DYM: variants seen among roughly 807,000 people sequenced by gnomAD.
The protein encoded by DYM is dymeclin.
A neutral mutation model predicts 93.1 loss-of-function variants in DYM; 78 were observed. The observed-to-expected ratio is 0.84, with a 90% CI of 0.70 to 1.01. The LOEUF (loss-of-function observed/expected upper bound fraction) is 1.01, where lower values mean the gene tolerates loss of function less well. Among genes scored for constraint, DYM ranks in the 50% least tolerant of loss-of-function variants. DYM has a pLI of 0.00. For missense variants in DYM, 789 were observed against 845.0 expected (o/e 0.93, Z 0.82); for synonymous variants, 321 against 319.7 (o/e 1.00, Z -0.04).
intron 8 of DYM, among the ~76,000 whole-genome samples, chr18:49,306,924 A>G (rs995981966): frequency 2.6e-5 from 4 of 152,208 alleles, no homozygotes; most frequent in Non-Finnish European, 5.9e-5. Context: ...GAGACTGAGG[A>G]CACAAACTGG....
intron 10 of DYM, among the ~76,000 whole-genome samples, chr18:49,280,568 G>A (rs77716736): frequency 0.012 from 1,774 of 152,246 alleles, 31 homozygotes; most frequent in African/African-American, 0.04. Context: ...CCTGGGCAAC[G>A]TGTGGCTGTT....
At chr18:49,271,474 A>T (rs145857421) in intron 11 of DYM, among the ~76,000 whole-genome samples, 1 of 152,166 alleles carries the variant, frequency 6.6e-6, no homozygotes, top group Non-Finnish European at 1.5e-5. Context: ...TCTTAGGGCG[A>T]TAATAGTTAA....
At chr18:49,330,240 C>T (rs2063213277) in intron 8 of DYM, among the ~76,000 whole-genome samples, 1 of 152,042 alleles carries the variant, frequency 6.6e-6, no homozygotes, top group Non-Finnish European at 1.5e-5. Flanking sequence ...ATATAGCACA[C>T]TAAAAACCAT....
At chr18:49,432,578 ATAGC>A (rs2080436745) in intron 1 of DYM, among the ~76,000 whole-genome samples, 1 of 149,746 alleles carries the variant, frequency 6.7e-6, no homozygotes, top group South Asian at 2.1e-4. Flanking sequence ...GGATTTATTC[ATAGC>A]TAGTACCAGC....
chr18:49,156,376 A>C (rs2086433657), intron 15 of DYM, among the ~76,000 whole-genome samples: 1 of 151,972 alleles, frequency 6.6e-6, no homozygotes, highest in Non-Finnish European at 1.5e-5. Flanking sequence ...CAGCCAGCAA[A>C]TGATGAGAAA....
At chr18:49,179,660 T>C (rs766125733) in intron 14 of DYM, among the ~76,000 whole-genome samples, 1 of 152,150 alleles carries the variant, frequency 6.6e-6, no homozygotes, top group Non-Finnish European at 1.5e-5. Flanking sequence ...GAGAAATCAT[T>C]GTCAACATAA....
At chr18:49,305,407 C>A (rs1007346018) in intron 8 of DYM, among the ~76,000 whole-genome samples, 2 of 152,164 alleles carry the variant, frequency 1.3e-5, no homozygotes, top group Non-Finnish European at 2.9e-5. Flanking sequence ...CCTGGGGAAA[C>A]CTATTGTTCT....
intron 14 of DYM, among the ~76,000 whole-genome samples, chr18:49,177,212 G>A (rs145603607): frequency 9.2e-4 from 140 of 152,262 alleles, no homozygotes; most frequent in African/African-American, 3.2e-3. Flanking sequence ...GGATGGCAGG[G>A]TAGAAGTTAT....
At chr18:49,147,466 A>C (rs201249538) in intron 15 of DYM, among the ~76,000 whole-genome samples, 102,879 of 151,918 alleles carry the variant, frequency 0.68, 38,208 homozygotes, top group Non-Finnish European at 0.83. Context: ...GGGCTAATAT[A>C]CAGAATCTAC....
intron 9 of DYM, among the ~76,000 whole-genome samples, chr18:49,285,896 T>G (rs1262692184): frequency 6.6e-6 from 1 of 152,198 alleles, no homozygotes; most frequent in Non-Finnish European, 1.5e-5. Flanking sequence ...AAGTAAAGAT[T>G]TACTGGAGCA....
chr18:49,343,718 C>G (rs1223510529), intron 6 of DYM, among the ~76,000 whole-genome samples: 1 of 152,024 alleles, frequency 6.6e-6, no homozygotes, highest in South Asian at 2.1e-4. Flanking sequence ...TTACCAAAAC[C>G]AAGAAAAATA....
intron 8 of DYM, among the ~76,000 whole-genome samples, chr18:49,330,818 G>A (rs940214567): frequency 6.6e-6 from 1 of 152,182 alleles, no homozygotes; most frequent in African/African-American, 2.4e-5. Context: ...ATCTATGCAG[G>A]TGTGGCACTC....
chr18:49,425,252 C>T (rs1406968017), intron 2 of DYM, among the ~76,000 whole-genome samples: 16 of 152,214 alleles, frequency 1.1e-4, no homozygotes, highest in African/African-American at 3.9e-4. Flanking sequence ...CATCTGCAAC[C>T]ATCTGATCTT....
intron 6 of DYM, among the ~76,000 whole-genome samples, chr18:49,354,582 A>G (rs1467362351): frequency 6.6e-6 from 1 of 152,108 alleles, no homozygotes; most frequent in Non-Finnish European, 1.5e-5. Context: ...AGAACTCTCA[A>G]AACTCAGCAA....
intron 15 of DYM, among the ~76,000 whole-genome samples, chr18:49,139,898 CTTCTT>C (rs1301271538): frequency 6.6e-6 from 1 of 152,088 alleles, no homozygotes; most frequent in Non-Finnish European, 1.5e-5. Flanking sequence ...TTTTGCTTCT[CTTCTT>C]TTCTTTCTTT....
At chr18:49,110,515 A>G (rs1389223599) in intron 16 of DYM, among the ~76,000 whole-genome samples, 2 of 152,066 alleles carry the variant, frequency 1.3e-5, no homozygotes, top group Non-Finnish European at 2.9e-5. Context: ...TAGCCTTATA[A>G]AGATGTCACT....
intron 2 of DYM, among the ~76,000 whole-genome samples, chr18:49,396,626 T>C (rs1459129202): frequency 6.6e-6 from 1 of 152,192 alleles, no homozygotes. Flanking sequence ...ATCTGCACTC[T>C]CATGTTTACT....
At chr18:49,453,518 C>T (rs1409612550) in intron 1 of DYM, among the ~76,000 whole-genome samples, 1 of 152,174 alleles carries the variant, frequency 6.6e-6, no homozygotes, top group East Asian at 1.9e-4. Context: ...ACTCCGAACA[C>T]ATCCGAAAAT....
intron 1 of DYM, among the ~76,000 whole-genome samples, chr18:49,443,233 T>A (rs748236098): frequency 6.6e-6 from 1 of 152,214 alleles, no homozygotes; most frequent in Non-Finnish European, 1.5e-5. Flanking sequence ...AATTTCAGTG[T>A]CAATAAAGTC....
Sources: gnomAD v4.1 joint callset for allele counts (sites outside exome capture counted in the v4.1 genomes callset) on GRCh38, gnomAD v4.1.1 for gene constraint, MANE v1.5 for transcripts, NCBI Gene and HGNC (gene_info 2026-07-23, HGNC 2026-07-21) for gene names.